The following PDCD2 variants were observed in gnomAD, a reference collection of about 807,000 sequenced individuals.
The protein encoded by PDCD2 is uS5 assembly chaperone PDCD2.
In PDCD2, 38 loss-of-function variants were observed where a neutral mutation model predicts 38.1. That is an observed-to-expected ratio of 1.00 (90% CI 0.77 to 1.31). The LOEUF (loss-of-function observed/expected upper bound fraction) is 1.31. Among genes scored for constraint, PDCD2 ranks in the 50% most tolerant of loss-of-function variants. The pLI, the probability that PDCD2 is intolerant of heterozygous loss-of-function variation, is 0.00. For missense variants in PDCD2, 473 were observed against 435.7 expected (o/e 1.09, Z -0.76); for synonymous variants, 205 against 168.9 (o/e 1.21, Z -1.66).
Position 170,584,385 on chromosome 6 carries a change from G to C in PDCD2, c.197C>G (p.Ala66Gly). Reference sequence around the variant, plus strand: ...GGCGTCCGGGCGGCCAGGCAGCGGCGCATACACCTGCAGCAGGAAGGAGAG... The same window carrying C: ...GGCGTCCGGGCGGCCAGGCAGCGGCCCATACACCTGCAGCAGGAAGGAGAG... The part of the protein sequence containing the change: ...RPLSFLLQVY[A>G]PLPGRPDAFH... Residue 66 changes from alanine to glycine, a missense_variant, in exon 1 of 6, where the codon GCG (alanine) becomes GGG (glycine). Transcript: ENST00000541970. The C allele has an allele frequency of 6.8e-7, 1 of 1,473,836 alleles. No individual in the cohort carries two copies. The highest frequency in any genetic ancestry group is 9.0e-7 in the Non-Finnish European group (1 of 1,117,108). 91.3% of individuals were successfully genotyped at this position (1,473,836 alleles called of 1,614,324 possible).
At position 170,584,567 on chromosome 6, in the gene PDCD2, C is replaced by A. The variant is rs529662275; in HGVS notation, c.15G>T (p.Gly5=). The part of the protein sequence containing the change: MAAA[G]ARPVELGFAE... ...CGAAGCCCAGCTCCACAGGCCTGGCCCCGGCGGCAGCCATGCGGGGCGCGG... is the reference window on the plus strand; with the variant it reads ...CGAAGCCCAGCTCCACAGGCCTGGCACCGGCGGCAGCCATGCGGGGCGCGG... The change falls in exon 1 of 6, where the codon GGG becomes GGT. Residue 5 remains glycine (G), a synonymous_variant. Transcript: ENST00000541970. The A allele has an allele frequency of 9.7e-5, 125 of 1,285,484 alleles. No individual in the cohort carries two copies. In the African/African-American group the frequency reaches 1.8e-3, roughly 19 times the overall value. The allele number at this position is 1,285,484 out of a possible 1,614,324, so 79.6% of individuals were successfully genotyped here.
rs935051377 is a variant in PDCD2 at position 170,575,762 on chromosome 6, G to C, written c.*1797C>G. On this transcript the variant is annotated 3_prime_UTR_variant, in exon 6 of 6. Coordinates refer to ENST00000541970, the MANE Select transcript of PDCD2 (RefSeq NM_002598.4). ...ATGGAAAGGCCCTGTAAACTGTTACGATCATCTCCAGAGGTTAACTGGAAT... is the reference window on the plus strand; with the variant it reads ...ATGGAAAGGCCCTGTAAACTGTTACCATCATCTCCAGAGGTTAACTGGAAT... 1.9e-4 allele frequency: 29 copies of C among 152,182 alleles called. No individual in the cohort carries two copies. Among genetic ancestry groups the C allele is most frequent in the African/African-American group, 7.0e-4 (29 of 41,508 alleles). The allele number at this position is 152,182 out of a possible 1,614,324, so 9.4% of individuals were successfully genotyped here. A position where few individuals can be genotyped will look rare whatever the true frequency, so the allele number is the denominator to read the frequency against.
chr6:170,578,885 CAG>C lies in PDCD2; in HGVS notation c.846_847del (p.Cys283TrpfsTer21), dbSNP rs1779519211. ...GAATTCCAATATTCTCTTGGCACCA[CAG>C]GGGCAATCTGGAATATCCTTTTCTT... is the stretch of plus-strand genomic sequence containing the variant. On this transcript the variant is annotated frameshift_variant, in exon 5 of 6. Transcript: ENST00000541970. LOFTEE classifies it high-confidence loss of function. 6.2e-7 allele frequency: 1 copy of C among 1,610,956 alleles called. No individual in the cohort carries two copies.
chr6:170,583,525 T>C lies in PDCD2; in HGVS notation c.506A>G (p.Lys169Arg). The change falls in exon 2 of 6, where the codon AAG becomes AGG. Residue 169 changes from lysine to arginine, a missense_variant. Lys to Arg is a conservative substitution (Grantham distance 26, BLOSUM62 2). Transcript: ENST00000541970. ...CCCACCTGGTTGTGCACAAGCCTGC[T>C]TATGTCCCAATCTCCAGTCTAGGGT... ...HQTLDWRLGH[K>R]QACAQPDHLD... The C allele has an allele frequency of 1.2e-6, 2 of 1,612,406 alleles. No homozygotes were observed. Among genetic ancestry groups the C allele is most frequent in the Non-Finnish European group, 1.7e-6 (2 of 1,178,620 alleles).
At chr6:170,580,151 C>A in intron 3 of PDCD2, 46 bp from the exon 4 acceptor site, 1 of 1,144,176 alleles carries the variant, frequency 8.7e-7, no homozygotes, top group Non-Finnish European at 1.3e-6. Context: ...GTAATCCCCA[C>A]AACTTGACAA....
Position 170,579,983 on chromosome 6 carries a change from G to C in PDCD2, c.762+19C>G, listed in dbSNP as rs772492440. 1 of 1,217,438 alleles carries C rather than the reference G, an allele frequency of 8.2e-7. No individual in the cohort carries two copies. The highest frequency in any genetic ancestry group is 1.2e-6 in the Non-Finnish European group (1 of 817,946). The allele number at this position is 1,217,438 out of a possible 1,614,324, so 75.4% of individuals were successfully genotyped here. On this transcript the variant is annotated intron_variant, in intron 4 of 5. Transcript: ENST00000541970. ...TGGCCTGAAGAGAACACGATGAGGA[G>C]CTATGAGCTCCACTTTACCTGTTCT...
At position 170,582,158 on chromosome 6, in the gene PDCD2, G is replaced by GC. The variant is rs1245714971; in HGVS notation, c.658+898_658+899insG. The GC allele has an allele frequency of 1.5e-5, 23 of 1,529,080 alleles. No homozygotes were observed. In the Admixed American group the frequency reaches 2.7e-4, roughly 18 times the overall value. 94.7% of individuals were successfully genotyped at this position (1,529,080 alleles called of 1,614,324 possible). On this transcript the variant is annotated intron_variant, in intron 3 of 5. Coordinates refer to ENST00000541970, the MANE Select transcript of PDCD2 (RefSeq NM_002598.4). The stretch of plus-strand genomic sequence containing the variant: ...CACGTGTTCCCATGGCACCTGTATT[G>GC]TACTCTTATCAGTCATTATATGGAC...
At chr6:170,578,991 G>C in intron 4 of PDCD2, 21 bp from the exon 5 acceptor site, 1 of 1,421,386 alleles carries the variant, frequency 7.0e-7, no homozygotes, top group Non-Finnish European at 9.8e-7. Context: ...TGAAGATCAT[G>C]TTCAAATAAT....
At chr6:170,584,212 T>C (rs1779728100) in intron 1 of PDCD2, 87 bp downstream of exon 1, 8 of 1,271,124 alleles carry the variant, frequency 6.3e-6, no homozygotes, top group Non-Finnish European at 8.0e-6. Context: ...CAGCGGTGCT[T>C]GCCGCCGTCC....
Position 170,584,505 on chromosome 6 carries a change from T to C in PDCD2, c.77A>G (p.Gln26Arg). 7.3e-7 allele frequency: 1 copy of C among 1,362,466 alleles called. No homozygotes were observed. The highest frequency in any genetic ancestry group is 9.4e-7 in the Non-Finnish European group (1 of 1,060,294). The allele number at this position is 1,362,466 out of a possible 1,614,324, so 84.4% of individuals were successfully genotyped here. A position where few individuals can be genotyped will look rare whatever the true frequency, so the allele number is the denominator to read the frequency against. ...CCGCCCGCCCACCTTGCTGGGGAAC[T>C]GCTCGCTGCGCAGTCGCCACGCCGG... ...SAPAWRLRSEQFPSKVGGRPA... is the reference protein window; with the variant it reads ...SAPAWRLRSERFPSKVGGRPA... The change falls in exon 1 of 6, where the codon CAG becomes CGG. Residue 26 changes from glutamine to arginine, a missense_variant. By Grantham distance (43) the Gln-to-Arg change is conservative. Coordinates refer to ENST00000541970, the MANE Select transcript of PDCD2 (RefSeq NM_002598.4).
At chr6:170,582,008 T>C (rs1779619373) in intron 3 of PDCD2, 1 of 1,068,190 alleles carries the variant, frequency 9.4e-7, no homozygotes, top group African/African-American at 1.6e-5. Context: ...AGTCCAGCTT[T>C]CATCCTTGAT....
intron 1 of PDCD2, 71 bp downstream of exon 1, chr6:170,584,228 G>C (rs536066013): frequency 7.7e-7 from 1 of 1,300,816 alleles, no homozygotes; most frequent in Non-Finnish European, 9.8e-7. Flanking sequence ...CGTCCCCCTG[G>C]TCGCTCCCGG....
At position 170,584,180 on chromosome 6, in the gene PDCD2, G is replaced by A. The variant is rs1409107850; in HGVS notation, c.283+119C>T. The A allele has an allele frequency of 2.7e-6, 3 of 1,119,152 alleles. No homozygotes were observed. In the South Asian group the frequency reaches 7.8e-5, roughly 29 times the overall value. The allele number at this position is 1,119,152 out of a possible 1,614,324, so 69.3% of individuals were successfully genotyped here. On this transcript the variant is annotated intron_variant, in intron 1 of 5. Transcript: ENST00000541970. The stretch of plus-strand genomic sequence containing the variant: ...AGGTGCTCCTGGGGCAGCGCGGAGA[G>A]GGAGCTCTGAGGCTGGGGCGGCAGC...
rs1338922659 is a variant in PDCD2 at position 170,580,119 on chromosome 6, GT to G, written c.659-15del. ...CAAGTGCTTCACCTGAAAAATCAAC[GT>G]AACTATTATGAAAAACAGGAGTAAT... is the stretch of plus-strand genomic sequence containing the variant. On this transcript the variant is annotated splice_polypyrimidine_tract_variant and intron_variant, in intron 3 of 5. Coordinates refer to ENST00000541970, the MANE Select transcript of PDCD2 (RefSeq NM_002598.4). The G allele has an allele frequency of 6.7e-7, 1 of 1,502,228 alleles. No homozygotes were observed. Among genetic ancestry groups the G allele is most frequent in the Non-Finnish European group, 9.3e-7 (1 of 1,080,916 alleles). The allele number at this position is 1,502,228 out of a possible 1,614,324, so 93.1% of individuals were successfully genotyped here.
In PDCD2 at chr6:170,583,611, A is replaced by G. The variant is rs752697924; in HGVS notation, c.420T>C (p.Cys140=). The G allele has an allele frequency of 9.9e-6, 16 of 1,613,586 alleles. No homozygotes were observed. The highest frequency in any genetic ancestry group is 1.3e-5 in the African/African-American group (1 of 74,902). The change falls in exon 2 of 6, where the codon TGT becomes TGC. Residue 140 remains cysteine, a synonymous_variant. Transcript: ENST00000541970. ...ATCTGGAGCACGTTTTGGGGCCTAA[A>G]CAGCCACAAACCCTGCAGAGATGAG... is the stretch of plus-strand genomic sequence containing the variant. ...SGAHLCRVCG[C]LGPKTCSRCH...
rs932520613 is a variant in PDCD2 at position 170,577,448 on chromosome 6, A to G, written c.*111T>C. ...TAGACACTGTGTAAGCAATCTGTCA[A>G]CATCTCTGCACCTCTATTTTTGGTA... On this transcript the variant is annotated 3_prime_UTR_variant, in exon 6 of 6. Coordinates refer to ENST00000541970, the MANE Select transcript of PDCD2 (RefSeq NM_002598.4). 6 of 880,330 alleles carry G rather than the reference A, an allele frequency of 6.8e-6. No individual in the cohort carries two copies. The highest frequency in any genetic ancestry group is 6.7e-5 in the African/African-American group (4 of 59,610). 54.5% of individuals were successfully genotyped at this position (880,330 alleles called of 1,614,324 possible).
chr6:170,579,082 A>C, intron 4 of PDCD2, 112 bp from the exon 5 acceptor site: 1 of 649,764 alleles, frequency 1.5e-6, no homozygotes, highest in East Asian at 2.7e-5. Flanking sequence ...GCACTGACCC[A>C]AAAGGCATGT....
intron 3 of PDCD2, chr6:170,582,672 T>C (rs1318469047): frequency 8.3e-7 from 1 of 1,205,774 alleles, no homozygotes; most frequent in African/African-American, 1.6e-5. Context: ...CAAAATTGTG[T>C]ATCTAAAACT....
In PDCD2 at chr6:170,583,575, T is replaced by C. The variant is rs772138191; in HGVS notation, c.456A>G (p.Ala152=). The C allele has an allele frequency of 3.1e-6, 5 of 1,613,782 alleles. No homozygotes were observed. The highest frequency in any genetic ancestry group is 4.5e-5 in the East Asian group (2 of 44,876). The change falls in exon 2 of 6, where the codon GCA becomes GCG. Residue 152 remains alanine (A), a synonymous_variant. Coordinates refer to ENST00000541970, the MANE Select transcript of PDCD2 (RefSeq NM_002598.4). ...GPKTCSRCHK[A]YYCSKEHQTL... ...TCTGATGCTCCTTGCTGCAGTAATA[T>C]GCTTTGTGGCATCTGGAGCACGTTT...
Sources: gnomAD v4.1 joint callset for allele counts on GRCh38, gnomAD v4.1.1 for gene constraint, MANE v1.5 for transcripts, NCBI Gene and HGNC (gene_info 2026-07-23, HGNC 2026-07-21) for gene names.